IGBP1C: variants seen among roughly 807,000 people sequenced by gnomAD.
IGBP1C encodes the protein IGBP1 family member C.
chr17:58,663,506 A>T, the IGBP1C span, among the ~76,000 whole-genome samples: 3 of 150,150 alleles, frequency 2.0e-5, no homozygotes, highest in African/African-American at 7.4e-5. Context: ...TCACTCTGTC[A>T]CTCAGGCTAG....
At chr17:58,661,048 A>C in the IGBP1C span, 1 of 1,101,246 alleles carries the variant, frequency 9.1e-7, no homozygotes, top group South Asian at 1.2e-5. Flanking sequence ...TATCTGCTTG[A>C]CCACTTTCCA....
At chr17:58,660,829 A>T in the IGBP1C span, 31 of 784,688 alleles carry the variant, frequency 4.0e-5, no homozygotes, top group Non-Finnish European at 6.9e-5. Flanking sequence ...AGCCAGCGCC[A>T]AATACTTTGG....
the IGBP1C span, among the ~76,000 whole-genome samples, chr17:58,678,818 T>TATTATAATAATA: frequency 4.4e-5 from 6 of 137,324 alleles, no homozygotes; most frequent in Non-Finnish European, 6.2e-5. Flanking sequence ...GAACTTAAAG[T>TATTATAATAATA]ATAATAATAA....
chr17:58,691,559 C>A, the IGBP1C span, among the ~76,000 whole-genome samples: 1 of 149,548 alleles, frequency 6.7e-6, no homozygotes, highest in African/African-American at 2.5e-5. Context: ...CCCAGGTACT[C>A]AAGAGGCTGA....
At chr17:58,667,455 A>G in the IGBP1C span, among the ~76,000 whole-genome samples, 1 of 152,234 alleles carries the variant, frequency 6.6e-6, no homozygotes, top group African/African-American at 2.4e-5. Context: ...TAAAAACCCT[A>G]AAGCAAACCA....
the IGBP1C span, among the ~76,000 whole-genome samples, chr17:58,688,047 T>C: frequency 6.6e-6 from 1 of 152,190 alleles, no homozygotes; most frequent in Admixed American, 6.5e-5. Flanking sequence ...ATAGGATTAC[T>C]GTGGATCAAG....
At chr17:58,681,456 AAAG>A in the IGBP1C span, among the ~76,000 whole-genome samples, 2 of 152,112 alleles carry the variant, frequency 1.3e-5, no homozygotes, top group African/African-American at 4.8e-5. Context: ...TTTCCTTTTC[AAAG>A]AAGTATTATG....
chr17:58,688,437 A>T, the IGBP1C span, among the ~76,000 whole-genome samples: 2 of 152,166 alleles, frequency 1.3e-5, no homozygotes, highest in African/African-American at 2.4e-5. Context: ...AAACATTTTT[A>T]AAAAACGTCT....
the IGBP1C span, chr17:58,679,564 T>A: frequency 2.1e-4 from 32 of 152,224 alleles, 2 homozygotes; most frequent in Admixed American, 2.0e-3. Context: ...TACCACAAAT[T>A]ATGCAATTAA....
At chr17:58,687,056 G>A in the IGBP1C span, among the ~76,000 whole-genome samples, 1 of 151,314 alleles carries the variant, frequency 6.6e-6, no homozygotes, top group Non-Finnish European at 1.5e-5. Flanking sequence ...AAGGCCCATG[G>A]GATGTGACCA....
At chr17:58,665,365 A>C in the IGBP1C span, among the ~76,000 whole-genome samples, 2 of 151,694 alleles carry the variant, frequency 1.3e-5, no homozygotes, top group Non-Finnish European at 2.9e-5. Flanking sequence ...GCACTTTGGG[A>C]GGCTGAGGCA....
chr17:58,679,590 A>T, the IGBP1C span: 1 of 152,302 alleles, frequency 6.6e-6, no homozygotes, highest in East Asian at 1.9e-4. Flanking sequence ...CCACATTTGT[A>T]GAAAACCACA....
the IGBP1C span, among the ~76,000 whole-genome samples, chr17:58,689,273 G>C: frequency 1.3e-5 from 2 of 151,196 alleles, no homozygotes; most frequent in Non-Finnish European, 2.9e-5. Context: ...CCAGGCTAGA[G>C]TGCAGTGGCC....
chr17:58,681,898 T>C, the IGBP1C span, among the ~76,000 whole-genome samples: 6 of 152,036 alleles, frequency 3.9e-5, no homozygotes, highest in Non-Finnish European at 4.4e-5. Context: ...GAACAACTCA[T>C]GTAAGGGAAA....
At chr17:58,669,876 C>T in the IGBP1C span, among the ~76,000 whole-genome samples, 1 of 152,116 alleles carries the variant, frequency 6.6e-6, no homozygotes, top group African/African-American at 2.4e-5. Context: ...ACTCCCTTGC[C>T]CAAAGCCCTT....
At chr17:58,680,507 C>T in the IGBP1C span, among the ~76,000 whole-genome samples, 1 of 152,082 alleles carries the variant, frequency 6.6e-6, no homozygotes, top group Non-Finnish European at 1.5e-5. Context: ...TTTGGGAGGC[C>T]AATGCGGGCA....
chr17:58,676,228 T>C, the IGBP1C span, among the ~76,000 whole-genome samples: 1 of 152,014 alleles, frequency 6.6e-6, no homozygotes, highest in Non-Finnish European at 1.5e-5. Context: ...ATAAGAAAAT[T>C]AGCCAGGCGT....
At chr17:58,666,162 G>A in the IGBP1C span, among the ~76,000 whole-genome samples, 1 of 151,954 alleles carries the variant, frequency 6.6e-6, no homozygotes, top group Non-Finnish European at 1.5e-5. Flanking sequence ...TGCCAACATG[G>A]TAAGACGCCA....
At chr17:58,684,232 C>G in the IGBP1C span, among the ~76,000 whole-genome samples, 2 of 151,728 alleles carry the variant, frequency 1.3e-5, no homozygotes, top group Admixed American at 6.6e-5. Context: ...GAGGCCTTGG[C>G]GGGTGGATCA....
Sources: gnomAD v4.1 joint callset for allele counts (sites outside exome capture counted in the v4.1 genomes callset) on GRCh38, gnomAD v4.1.1 for gene constraint, MANE v1.5 for transcripts, NCBI Gene and HGNC (gene_info 2026-07-23, HGNC 2026-07-21) for gene names.